LRRC14B: variants seen among roughly 807,000 people sequenced by gnomAD.
LRRC14B encodes leucine-rich repeat-containing protein 14B.
In LRRC14B, 23 loss-of-function variants were observed where a neutral mutation model predicts 16.9. The ratio of observed to expected loss-of-function variants is 1.36; its 90% confidence interval spans 0.98 to 1.92. The LOEUF (loss-of-function observed/expected upper bound fraction) is 1.92, where lower values mean the gene tolerates loss of function less well. Among genes scored for constraint, LRRC14B ranks in the 30% most tolerant of loss-of-function variants. LRRC14B has a pLI of 0.00. For missense variants in LRRC14B, 766 were observed against 705.7 expected (o/e 1.09, Z -0.97); for synonymous variants, 358 against 332.5 (o/e 1.08, Z -0.83).
In LRRC14B at chr5:192,607, G is replaced by A. The variant is rs111475695; in HGVS notation, c.899+170G>A. ...GGCCCCGCCAAGGGGCAAGAGCACCGAAAGTCAGAGCCACCAGGAAAGAAG... is the reference window on the plus strand; with the variant it reads ...GGCCCCGCCAAGGGGCAAGAGCACCAAAAGTCAGAGCCACCAGGAAAGAAG... On this transcript the variant is annotated intron_variant, in intron 1 of 1. Coordinates refer to ENST00000328278, the MANE Select transcript of LRRC14B (RefSeq NM_001080478.3). Among the ~76,000 whole-genome samples, 640 of 152,246 alleles carry A rather than the reference G, an allele frequency of 4.2e-3. 6 individuals are homozygous for A. Among genetic ancestry groups the A allele is most frequent in the African/African-American group, 0.015 (616 of 41,584 alleles).
In LRRC14B at chr5:192,078, C is replaced by T; in HGVS notation, c.540C>T (p.Gly180=). The T allele has an allele frequency of 1.3e-6, 2 of 1,548,216 alleles. No individual in the cohort carries two copies. The highest frequency in any genetic ancestry group is 8.7e-7 in the Non-Finnish European group (1 of 1,151,402). The change falls in exon 1 of 2, where the codon GGC becomes GGT. Residue 180 remains glycine, a synonymous_variant. Transcript: ENST00000328278. ...EAVVQALRPA[G]PAPLRVHCPS... is the part of the protein sequence containing the mutation. ...TGGTGCAGGCTCTGAGGCCAGCGGG[C>T]CCGGCCCCTCTGCGGGTGCACTGCC...
intron 1 of LRRC14B, among the ~76,000 whole-genome samples, chr5:193,398 C>CAGG: frequency 2.6e-5 from 1 of 39,044 alleles, no homozygotes. Context: ...TCCTCAGGTG[C>CAGG]TGGGGGGTGC....
Position 192,196 on chromosome 5 carries a change from C to T in LRRC14B, c.658C>T (p.His220Tyr), listed in dbSNP as rs1244488739. The T allele has an allele frequency of 1.2e-6, 2 of 1,601,028 alleles. No homozygotes were observed. Among genetic ancestry groups the T allele is most frequent in the Non-Finnish European group, 1.7e-6 (2 of 1,174,882 alleles). The change falls in exon 1 of 2, where the codon CAC becomes TAC. Residue 220 changes from histidine to tyrosine, a missense_variant. Physicochemically the swap from His to Tyr is moderately conservative, Grantham distance 83. Transcript: ENST00000328278. ...TGCCCTGCGCAAGCTGGAGGTGGTGCACAACGTGCGGCTGCATGCGGGCCA... is the reference window on the plus strand; with the variant it reads ...TGCCCTGCGCAAGCTGGAGGTGGTGTACAACGTGCGGCTGCATGCGGGCCA... ...PGALRKLEVV[H>Y]NVRLHAGHVQ...
intron 1 of LRRC14B, among the ~76,000 whole-genome samples, 200 bp from the exon 2 acceptor site, chr5:194,508 G>A (rs1733873627): frequency 6.6e-6 from 1 of 152,210 alleles, no homozygotes; most frequent in Non-Finnish European, 1.5e-5. Flanking sequence ...TGAATATCAT[G>A]TAACTTTTCA....
At position 191,688 on chromosome 5, in the gene LRRC14B, G is replaced by T; in HGVS notation, c.150G>T (p.Thr50=). The change falls in exon 1 of 2, where the codon ACG becomes ACT. Residue 50 remains threonine (T), a synonymous_variant. Transcript: ENST00000328278. ...ACCTGCTGGAGCAGGCGGAGGTGAC[G>T]CGCGCGGTGCTGGGGCGCTGGCCCC... ...ASYLLEQAEV[T]RAVLGRWPLE... is the part of the protein sequence containing the mutation. The T allele has an allele frequency of 1.3e-6, 2 of 1,599,370 alleles. No homozygotes were observed. The highest frequency in any genetic ancestry group is 1.7e-6 in the Non-Finnish European group (2 of 1,173,666).
Position 195,318 on chromosome 5 carries a change from G to A in LRRC14B, c.1510G>A (p.Glu504Lys), listed in dbSNP as rs770821662. Residue 504 changes from glutamate (E) to lysine (K), a missense_variant, in exon 2 of 2, where the codon GAA (glutamate) becomes AAA (lysine). By Grantham distance (56) the Glu-to-Lys change is moderately conservative (BLOSUM62 1). Coordinates refer to ENST00000328278, the MANE Select transcript of LRRC14B (RefSeq NM_001080478.3). ...FLLQAFKTAL[E>K]NFSRALKQIE is the part of the protein sequence containing the mutation. ...GCTGCAAGCTTTCAAAACTGCTCTAGAAAACTTCTCCAGAGCACTCAAACA... is the reference window on the plus strand; with the variant it reads ...GCTGCAAGCTTTCAAAACTGCTCTAAAAAACTTCTCCAGAGCACTCAAACA... 48 of 1,606,516 alleles carry A rather than the reference G, an allele frequency of 3.0e-5. 1 individual carries two copies. The South Asian group carries it at 4.3e-4, about 14-fold the overall frequency.
intron 1 of LRRC14B, among the ~76,000 whole-genome samples, chr5:193,326 C>T (rs1733847372): frequency 8.1e-6 from 1 of 123,376 alleles, no homozygotes; most frequent in Non-Finnish European, 1.7e-5. Context: ...GGGGTGGGAC[C>T]TGGCAGTGGG....
intron 1 of LRRC14B, among the ~76,000 whole-genome samples, chr5:193,582 G>A (rs983264040): frequency 6.8e-6 from 1 of 148,088 alleles, no homozygotes; most frequent in African/African-American, 2.5e-5. Context: ...TGTGGGTCCT[G>A]GGGTGGCACC....
At position 195,040 on chromosome 5, in the gene LRRC14B, C is replaced by CACT. The variant is rs1733887117; in HGVS notation, c.1233_1235dup (p.Leu412dup). ...CGCGCCCTCCGGCGCCTCTTCACCG[C>CACT]ACTCTGTGAGCTCCCCGAGCTGCGC... On this transcript the variant is annotated inframe_insertion, in exon 2 of 2. Transcript: ENST00000328278. 6 of 1,613,480 alleles carry CACT rather than the reference C, an allele frequency of 3.7e-6. No individual in the cohort carries two copies. In the East Asian group the frequency reaches 1.3e-4, roughly 36 times the overall value.
rs1200766122 is a variant in LRRC14B at position 192,283 on chromosome 5, A to T, written c.745A>T (p.Lys249Ter). The change falls in exon 1 of 2, where the codon AAG becomes TAG. Residue 249 changes from lysine to a stop codon, truncating the protein, a stop_gained. Coordinates refer to ENST00000328278, the MANE Select transcript of LRRC14B (RefSeq NM_001080478.3). LOFTEE classifies it high-confidence loss of function. ...GCTGGCCTCGCTCACCCTGCCCACC[A>T]AGGCCTTTGATGCACCCCCCACCTA... ...PRLASLTLPT[K>*]AFDAPPTYAS... 6.3e-7 allele frequency: 1 copy of T among 1,599,752 alleles called. No homozygotes were observed. Among genetic ancestry groups the T allele is most frequent in the Non-Finnish European group, 8.5e-7 (1 of 1,174,356 alleles).
chr5:195,512 T>C lies in LRRC14B; in HGVS notation c.*159T>C, dbSNP rs545952301. 1.3e-5 allele frequency among the ~76,000 whole-genome samples: 2 copies of C among 152,296 alleles called. No individual in the cohort carries two copies. Among genetic ancestry groups the C allele is most frequent in the African/African-American group, 4.8e-5 (2 of 41,574 alleles). On this transcript the variant is annotated 3_prime_UTR_variant, in exon 2 of 2. Transcript: ENST00000328278. Reference sequence around the variant, plus strand: ...TTGTAGGCGAGCCTGTTAAGCGTTGTAGAAGAGGAAGCCTTCCAGGAGAGG... The same window carrying C: ...TTGTAGGCGAGCCTGTTAAGCGTTGCAGAAGAGGAAGCCTTCCAGGAGAGG...
rs991016889 is a variant in LRRC14B, at chr5:192,562, G to T, written c.899+125G>T. 2.3e-5 allele frequency: 24 copies of T among 1,054,558 alleles called. No homozygotes were observed. In the Admixed American group the frequency reaches 2.6e-4, roughly 11 times the overall value. 65.3% of individuals were successfully genotyped at this position (1,054,558 alleles called of 1,614,324 possible). On this transcript the variant is annotated intron_variant, in intron 1 of 1. Transcript: ENST00000328278. ...GCCTCCAGCCTCTCACTCCGGGTGT[G>T]GCCACAGCCACAGGACAGCGGCCCC...
Position 195,766 on chromosome 5 carries a change from AAG to A in LRRC14B, c.*419_*420del. ...GCTCCACAGCAGGGAGGGGGAGGGG[AAG>A]AGAGAACACATCACAGAAACTGCAC... is the stretch of plus-strand genomic sequence containing the variant. On this transcript the variant is annotated 3_prime_UTR_variant, in exon 2 of 2. Coordinates refer to ENST00000328278, the MANE Select transcript of LRRC14B (RefSeq NM_001080478.3). 1 of 208,318 alleles carries A rather than the reference AAG, an allele frequency of 4.8e-6. No homozygotes were observed. The highest frequency in any genetic ancestry group is 1.2e-4 in the East Asian group (1 of 8,136). The allele number at this position is 208,318 out of a possible 1,614,324, so 12.9% of individuals were successfully genotyped here.
chr5:193,522 C>A (rs1440565747), intron 1 of LRRC14B, among the ~76,000 whole-genome samples: 1 of 133,666 alleles, frequency 7.5e-6, no homozygotes, highest in Non-Finnish European at 1.6e-5. Flanking sequence ...GGTGGTGGGT[C>A]CTGAAGTGGG....
At position 191,986 on chromosome 5, in the gene LRRC14B, C is replaced by G. The variant is rs766687135; in HGVS notation, c.448C>G (p.Leu150Val). 5.2e-6 allele frequency: 8 copies of G among 1,532,740 alleles called. No homozygotes were observed. The highest frequency in any genetic ancestry group is 7.0e-6 in the Non-Finnish European group (8 of 1,145,342). 94.9% of individuals were successfully genotyped at this position (1,532,740 alleles called of 1,614,324 possible). The change falls in exon 1 of 2, where the codon CTC becomes GTC. Residue 150 changes from leucine to valine, a missense_variant. Transcript: ENST00000328278. ...CTGCTGTGAGCTGCAGGCAGAGCCC[C>G]TCGCAGCCGGGCGCCCCGTCGAGGT... ...RTCCELQAEP[L>V]AAGRPVEVLA...
At chr5:194,117 G>A (rs979372111) in intron 1 of LRRC14B, among the ~76,000 whole-genome samples, 2 of 139,548 alleles carry the variant, frequency 1.4e-5, no homozygotes, top group Non-Finnish European at 3.1e-5. Flanking sequence ...GAAACCATGC[G>A]GGATTCATCT....
In LRRC14B at chr5:192,258, G is replaced by T; in HGVS notation, c.720G>T (p.Arg240=). 1.3e-6 allele frequency: 2 copies of T among 1,594,428 alleles called. No homozygotes were observed. Among genetic ancestry groups the T allele is most frequent in the Non-Finnish European group, 8.5e-7 (1 of 1,171,292 alleles). ...QQLLAQVGFP[R]LASLTLPTKA... ...TTCTGGCCCAGGTGGGCTTCCCCCG[G>T]CTGGCCTCGCTCACCCTGCCCACCA... The change falls in exon 1 of 2, where the codon CGG becomes CGT. Residue 240 remains arginine (R), a synonymous_variant. Coordinates refer to ENST00000328278, the MANE Select transcript of LRRC14B (RefSeq NM_001080478.3).
rs1733877819 is a variant in LRRC14B, at chr5:194,707, GC to G, written c.904del (p.Leu302TyrfsTer15). 4.4e-6 allele frequency: 7 copies of G among 1,599,486 alleles called. No individual in the cohort carries two copies. The highest frequency in any genetic ancestry group is 5.1e-6 in the Non-Finnish European group (6 of 1,172,284). On this transcript the variant is annotated frameshift_variant and splice_region_variant, in exon 2 of 2. Coordinates refer to ENST00000328278, the MANE Select transcript of LRRC14B (RefSeq NM_001080478.3). LOFTEE classifies it low-confidence loss of function (END_TRUNC). ...TLTGKIPTLL[G>X]PLQTPLRVLD... is the part of the protein sequence containing the mutation. Reference sequence around the variant, plus strand: ...TGTGCTCTTTCCCCCGTGTCCTGCAGCCCCCTACAGACCCCGCTGCGAGTAC... The same window carrying G: ...TGTGCTCTTTCCCCCGTGTCCTGCAGCCCCTACAGACCCCGCTGCGAGTAC...
rs1170614412 is a variant in LRRC14B at position 191,646 on chromosome 5, C to T, written c.108C>T (p.Leu36=). The stretch of plus-strand genomic sequence containing the variant: ...GCGTGGCCCACAACCTCTACCCACT[C>T]CTGTTCAAAGCCAGCTACCTGCTGG... The part of the protein sequence containing the change: ...LDSVAHNLYP[L]LFKASYLLEQ... The change falls in exon 1 of 2, where the codon CTC becomes CTT. Residue 36 remains leucine, a synonymous_variant. Transcript: ENST00000328278. The T allele has an allele frequency of 3.7e-6, 6 of 1,609,280 alleles. No individual in the cohort carries two copies. In the African/African-American group the frequency reaches 6.7e-5, roughly 18 times the overall value.
Sources: allele counts gnomAD v4.1 joint callset (sites outside exome capture counted in the v4.1 genomes callset), GRCh38; gene constraint gnomAD v4.1.1; transcripts MANE v1.5; gene names NCBI Gene and HGNC (gene_info 2026-07-23, HGNC 2026-07-21).